Variants in RPLP2 observed in about 807,000 individuals in gnomAD.
RPLP2 encodes large ribosomal subunit protein P2.
In RPLP2, 1 loss-of-function variant was observed where a neutral mutation model predicts 11.5. The ratio of observed to expected loss-of-function variants is 0.09; its 90% CI spans 0.03 to 0.41. The LOEUF is 0.41. Ranked by LOEUF, RPLP2 falls within the 10% of genes least tolerant of loss-of-function variation. The pLI, the probability that RPLP2 is intolerant of heterozygous loss-of-function variation, is 0.98. For missense variants in RPLP2, 177 were observed against 145.6 expected, an observed-to-expected ratio of 1.22 and a Z score of -1.11; for synonymous variants, 82 against 55.9, an observed-to-expected ratio of 1.47 and a Z score of -2.08.
intron 2 of RPLP2, 130 bp from the exon 3 acceptor site, chr11:811,467 C>CAGTG: frequency 9.8e-7 from 1 of 1,015,770 alleles, no homozygotes; most frequent in Non-Finnish European, 1.5e-6. Context: ...TCCCTTTGGG[C>CAGTG]AGTGCAGTTC....
intron 2 of RPLP2, chr11:810,637 T>TA (rs1441644395): frequency 1.5e-4 from 42 of 273,060 alleles, no homozygotes; most frequent in Non-Finnish European, 1.9e-4. Context: ...CTACTAAAAA[T>TA]ACAAAAATTA....
intron 3 of RPLP2, chr11:811,921 G>T: frequency 3.0e-6 from 2 of 675,612 alleles, no homozygotes; most frequent in Non-Finnish European, 5.5e-6. Flanking sequence ...CCCAGGATTT[G>T]TCTGAAGCTT....
At chr11:810,683 C>T (rs1470274417) in intron 2 of RPLP2, among the ~76,000 whole-genome samples, 2 of 151,546 alleles carry the variant, frequency 1.3e-5, no homozygotes, top group Non-Finnish European at 2.9e-5. Flanking sequence ...AGTCCCCCTA[C>T]TTGGGAGGCT....
intron 3 of RPLP2, 87 bp downstream of exon 3, chr11:811,732 G>T: frequency 6.5e-7 from 1 of 1,541,864 alleles, no homozygotes; most frequent in Non-Finnish European, 9.0e-7. Context: ...GGTTTCGCTT[G>T]TGGACCAGAG....
At chr11:810,796 A>T (rs1866013079) in intron 2 of RPLP2, among the ~76,000 whole-genome samples, 2 of 151,616 alleles carry the variant, frequency 1.3e-5, no homozygotes, top group South Asian at 4.2e-4. Flanking sequence ...AAAAGGAAAA[A>T]AAAAAAAAAA....
chr11:812,337 T>C, intron 3 of RPLP2, 198 bp from the exon 4 acceptor site: 2 of 667,664 alleles, frequency 3.0e-6, no homozygotes, highest in Non-Finnish European at 5.1e-6. Flanking sequence ...AGTCCCTGGA[T>C]AGGAAAGGTG....
chr11:812,510 G>T (rs763136457), intron 3 of RPLP2, 25 bp from the exon 4 acceptor site: 1 of 1,607,722 alleles, frequency 6.2e-7, no homozygotes, highest in Non-Finnish European at 8.5e-7. Context: ...CAGCTGCTCT[G>T]GTCTCACCTC....
At position 811,661 on chromosome 11, in the gene RPLP2, C is replaced by A. The variant is rs370841665; in HGVS notation, c.172+16C>A. On this transcript the variant is annotated intron_variant, in intron 3 of 4. Coordinates refer to ENST00000321153, the MANE Select transcript of RPLP2 (RefSeq NM_001004.4). ...ATTGCCCAGGGTGAGTTGATGTGGA[C>A]GGGCTTTCGTTTGTTTTCATGGTCC... The A allele has an allele frequency of 1.2e-6, 2 of 1,614,054 alleles. No homozygotes were observed. The highest frequency in any genetic ancestry group is 2.2e-5 in the South Asian group (2 of 91,090).
chr11:810,380 A>T, intron 2 of RPLP2, 23 bp downstream of exon 2: 1 of 1,598,944 alleles, frequency 6.3e-7, no homozygotes, highest in South Asian at 1.1e-5. Context: ...CTTGCCCCGC[A>T]GCCGCCGTGG....
chr11:810,438 T>C lies in RPLP2; in HGVS notation c.123+81T>C, dbSNP rs374810591. 4.2e-5 allele frequency: 57 copies of C among 1,362,846 alleles called. 1 individual carries two copies. In the South Asian group the frequency reaches 6.1e-4, roughly 15 times the overall value. The allele number at this position is 1,362,846 out of a possible 1,614,324, so 84.4% of individuals were successfully genotyped here. On this transcript the variant is annotated intron_variant, in intron 2 of 4. Transcript: ENST00000321153. Reference sequence around the variant, plus strand: ...GATTCTTCTGCCTGATCCGGCCACATGCTGGAGGGTTCGGGGAGAGGCTCG... The same window carrying C: ...GATTCTTCTGCCTGATCCGGCCACACGCTGGAGGGTTCGGGGAGAGGCTCG...
Sources: gnomAD v4.1 joint callset for allele counts (sites outside exome capture counted in the v4.1 genomes callset) on GRCh38, gnomAD v4.1.1 for gene constraint, MANE v1.5 for transcripts, NCBI Gene and HGNC (gene_info 2026-07-23, HGNC 2026-07-21) for gene names.